Variants in MAP7D2 observed in about 807,000 individuals in gnomAD.
MAP7D2 encodes MAP7 domain containing 2, also known as MAP7 domain-containing protein 2.
A neutral mutation model predicts 63.5 loss-of-function variants in MAP7D2; 33 were observed. That is an observed-to-expected ratio of 0.52 (90% confidence interval 0.39 to 0.70). The LOEUF is 0.70. Ranked by LOEUF, MAP7D2 falls within the 30% of genes least tolerant of loss-of-function variation. The pLI, the probability that MAP7D2 is intolerant of heterozygous loss-of-function variation, is 0.00. For missense variants in MAP7D2, 626 were observed against 604.0 expected (o/e 1.04, Z -0.38); for synonymous variants, 224 against 223.7 (o/e 1.00, Z -0.01).
chrX:20,108,726 A>C (rs1256713695), intron 1 of MAP7D2, among the ~76,000 whole-genome samples: 3 of 110,177 alleles, frequency 2.7e-5, no homozygotes, highest in Admixed American at 9.7e-5. Context: ...TTTACAAAAA[A>C]AAAAAAACAA....
rs2073588177 is a variant in MAP7D2 at position 20,020,254 on chromosome X, C to T, written c.1413-3929G>A. ...CCCTCCCACTAGCCCCTCTTCCCTT[C>T]ATTTGTCAGTTTCAACCTTCTGCAT... On this transcript the variant is annotated intron_variant, in intron 10 of 16. Transcript: ENST00000379643. Among the ~76,000 whole-genome samples the T allele has an allele frequency of 3.6e-5, 4 of 111,416 alleles. No individual in the cohort carries two copies. The South Asian group carries it at 1.2e-3, about 33-fold the overall frequency.
intron 1 of MAP7D2, among the ~76,000 whole-genome samples, chrX:20,091,835 T>C (rs2066078621): frequency 8.9e-6 from 1 of 111,907 alleles, no homozygotes; most frequent in African/African-American, 3.2e-5. Context: ...ATAGACTAAA[T>C]AGGATCCTGG....
In MAP7D2 at chrX:20,007,033, A is replaced by T; in HGVS notation, c.*1392T>A. ...ATGAGAGGCATTTTCTGAAAGCCAG[A>T]CCATGCTATGGTTTCTGTGTGCCTG... is the stretch of plus-strand genomic sequence containing the variant. On this transcript the variant is annotated 3_prime_UTR_variant, in exon 17 of 17. Coordinates refer to ENST00000379643, the MANE Select transcript of MAP7D2 (RefSeq NM_001168465.2). The T allele has an allele frequency of 8.9e-6, 1 of 112,207 alleles. No individual in the cohort carries two copies. The highest frequency in any genetic ancestry group is 1.9e-5 in the Non-Finnish European group (1 of 53,254). 9.2% of individuals were successfully genotyped at this position (112,207 alleles called of 1,213,427 possible). A position where few individuals can be genotyped will look rare whatever the true frequency, so the allele number is the denominator to read the frequency against.
At chrX:20,045,995 A>G (rs2064790303) in intron 6 of MAP7D2, among the ~76,000 whole-genome samples, 1 of 111,606 alleles carries the variant, frequency 9.0e-6, no homozygotes, top group Non-Finnish European at 1.9e-5. Context: ...GTTAGACACA[A>G]CCTCCTTGCT....
chrX:20,063,886 C>G (rs375532282), intron 2 of MAP7D2, among the ~76,000 whole-genome samples: 1 of 112,476 alleles, frequency 8.9e-6, no homozygotes, highest in Non-Finnish European at 1.9e-5. Flanking sequence ...TGCCTCCCCA[C>G]GTGGGAGCTA....
chrX:20,107,575 C>T lies in MAP7D2; in HGVS notation c.130+9175G>A, dbSNP rs1008548834. Among the ~76,000 whole-genome samples, 10 of 109,055 alleles carry T rather than the reference C, an allele frequency of 9.2e-5. No homozygotes were observed. In the South Asian group the frequency reaches 2.0e-3, roughly 22 times the overall value. 94.7% of individuals were successfully genotyped at this position (109,055 alleles called of 115,157 possible). A position where few individuals can be genotyped will look rare whatever the true frequency, so the allele number is the denominator to read the frequency against. ...GATAGAGAGAGACTCTGTTTCCCGC[C>T]CCCCCCAAAATTAATTAATTAATTA... On this transcript the variant is annotated intron_variant, in intron 1 of 16. Transcript: ENST00000379643.
intron 1 of MAP7D2, among the ~76,000 whole-genome samples, chrX:20,102,827 G>A (rs1431710652): frequency 9.1e-6 from 1 of 110,244 alleles, no homozygotes; most frequent in East Asian, 2.9e-4. Flanking sequence ...CTAATGAGAA[G>A]GGTAGATAGC....
At chrX:20,095,727 C>A (rs761324380) in intron 1 of MAP7D2, among the ~76,000 whole-genome samples, 4 of 111,783 alleles carry the variant, frequency 3.6e-5, no homozygotes, top group African/African-American at 1.3e-4. Context: ...TGTCTACTAA[C>A]AAAAGAATGG....
intron 4 of MAP7D2, among the ~76,000 whole-genome samples, chrX:20,054,836 C>T (rs2065033304): frequency 8.9e-6 from 1 of 111,966 alleles, no homozygotes; most frequent in African/African-American, 3.2e-5. Context: ...CCTGCCTCAG[C>T]CTCCCAAAGT....
chrX:20,012,910 A>C, intron 14 of MAP7D2, 144 bp downstream of exon 14: 2 of 507,961 alleles, frequency 3.9e-6, no homozygotes, highest in South Asian at 7.0e-5. Context: ...CCTGTGCTGG[A>C]GACACATTCC....
intron 8 of MAP7D2, among the ~76,000 whole-genome samples, chrX:20,040,869 T>C (rs943261210): frequency 9.0e-6 from 1 of 110,866 alleles, no homozygotes; most frequent in African/African-American, 3.3e-5. Flanking sequence ...GCACACACTA[T>C]TGGAAAAATG....
chrX:20,025,171 GA>G (rs2073794431), intron 9 of MAP7D2, 88 bp from the exon 10 acceptor site: 5 of 1,064,348 alleles, frequency 4.7e-6, no homozygotes, highest in Non-Finnish European at 6.2e-6. Context: ...AGTTGGAAGT[GA>G]AAAAAAATCC....
intron 3 of MAP7D2, among the ~76,000 whole-genome samples, chrX:20,060,268 C>T (rs2065174744): frequency 9.1e-6 from 1 of 110,253 alleles, no homozygotes; most frequent in Admixed American, 9.7e-5. Context: ...GATCCACCTG[C>T]CTTGGCTCCC....
chrX:20,051,560 C>CA (rs1281531054), intron 5 of MAP7D2, among the ~76,000 whole-genome samples: 1,109 of 97,709 alleles, frequency 0.011, 9 homozygotes, highest in Middle Eastern at 0.036. Context: ...AAAAAACAAA[C>CA]AAAAAAAAAA....
At chrX:20,058,224 GC>G (rs1301283860) in intron 3 of MAP7D2, among the ~76,000 whole-genome samples, 1 of 112,749 alleles carries the variant, frequency 8.9e-6, no homozygotes, top group African/African-American at 3.2e-5. Flanking sequence ...CCTGATAAAA[GC>G]TGGGGCTTGG....
chrX:20,102,902 C>T (rs751478852), intron 1 of MAP7D2, among the ~76,000 whole-genome samples: 6 of 111,242 alleles, frequency 5.4e-5, no homozygotes, highest in East Asian at 5.7e-4. Context: ...AGAGTTGGAA[C>T]GCACCAGTAA....
intron 1 of MAP7D2, among the ~76,000 whole-genome samples, chrX:20,073,678 C>T (rs1302390695): frequency 3.7e-5 from 4 of 106,756 alleles, no homozygotes; most frequent in African/African-American, 1.3e-4. Flanking sequence ...TACAGATGCC[C>T]GCCACCACGC....
intron 2 of MAP7D2, 43 bp downstream of exon 2, chrX:20,064,685 T>A: frequency 9.3e-7 from 1 of 1,080,277 alleles, no homozygotes. Flanking sequence ...CACCACCATA[T>A]CTCCACTCCC....
chrX:20,028,098 T>G (rs1426040919), intron 8 of MAP7D2, among the ~76,000 whole-genome samples: 2 of 112,055 alleles, frequency 1.8e-5, no homozygotes, highest in Non-Finnish European at 3.8e-5. Context: ...ACTAGGCTGC[T>G]AAATGTCTAC....
Sources: allele counts gnomAD v4.1 joint callset (sites outside exome capture counted in the v4.1 genomes callset), GRCh38; gene constraint gnomAD v4.1.1; transcripts MANE v1.5; gene names NCBI Gene and HGNC (gene_info 2026-07-23, HGNC 2026-07-21).